Variants in VPS13B observed in about 807,000 individuals in gnomAD.
VPS13B encodes intermembrane lipid transfer protein VPS13B.
In VPS13B, 285 loss-of-function variants were observed where a neutral mutation model predicts 426.4. The observed-to-expected ratio is 0.67, with a 90% confidence interval of 0.61 to 0.74. VPS13B has a LOEUF of 0.74. VPS13B is among the 30% of genes least tolerant of loss of function. VPS13B has a pLI of 0.00. For synonymous variants in VPS13B, 1,676 were observed against 1,676.4 expected (o/e 1.00, Z 0.01); for missense variants, 4,537 against 4,782.6 (o/e 0.95, Z 1.51).
chr8:99,405,711 A>T (rs1815285617), intron 21 of VPS13B, among the ~76,000 whole-genome samples: 1 of 151,618 alleles, frequency 6.6e-6, no homozygotes, highest in African/African-American at 2.4e-5. Context: ...AGGTTCTCCC[A>T]TGGCATCTTT....
intron 45 of VPS13B, 121 bp from the exon 46 acceptor site, chr8:99,818,330 T>A (rs1370318550): frequency 9.4e-7 from 1 of 1,064,854 alleles, no homozygotes; most frequent in South Asian, 1.4e-5. Context: ...TTTTTAATAA[T>A]GGCTTTTTCC....
intron 16 of VPS13B, among the ~76,000 whole-genome samples, chr8:99,180,873 A>G (rs1812910602): frequency 6.6e-6 from 1 of 152,202 alleles, no homozygotes; most frequent in Non-Finnish European, 1.5e-5. Flanking sequence ...AAAGATTTAA[A>G]CAATGTAGAA....
At chr8:99,672,378 A>G (rs78405842) in intron 35 of VPS13B, among the ~76,000 whole-genome samples, 8 of 152,076 alleles carry the variant, frequency 5.3e-5, no homozygotes, top group Admixed American at 1.3e-4. Context: ...TTTTTTAGCT[A>G]TTATGAAATG....
chr8:99,371,634 A>G (rs781649201), intron 19 of VPS13B, among the ~76,000 whole-genome samples: 9 of 152,210 alleles, frequency 5.9e-5, no homozygotes, highest in Non-Finnish European at 1.2e-4. Flanking sequence ...CGTAATGGGA[A>G]TAGCACTGAG....
At position 99,575,655 on chromosome 8, in the gene VPS13B, T is replaced by C; in HGVS notation, c.4950-3T>C. 1 of 1,613,874 alleles carries C rather than the reference T, an allele frequency of 6.2e-7. No homozygotes were observed. The highest frequency in any genetic ancestry group is 2.2e-5 in the East Asian group (1 of 44,832). ...GCTAATAATCTTTTACTCTATCTTT[T>C]AGCATACGGCGGCATCAAGAAAGGA... On this transcript the variant is annotated splice_polypyrimidine_tract_variant and splice_region_variant and intron_variant, in intron 31 of 61. Transcript: ENST00000357162.
At chr8:99,179,803 C>T (rs888603722) in intron 16 of VPS13B, among the ~76,000 whole-genome samples, 2 of 152,066 alleles carry the variant, frequency 1.3e-5, no homozygotes, top group Non-Finnish European at 2.9e-5. Context: ...TATTGGCATG[C>T]GTCTGGCTGT....
intron 17 of VPS13B, among the ~76,000 whole-genome samples, chr8:99,273,660 C>T (rs1467406382): frequency 2.6e-5 from 4 of 151,976 alleles, no homozygotes; most frequent in South Asian, 2.1e-4. Flanking sequence ...GGAATGCGCC[C>T]GTAATCCCAA....
At chr8:99,227,011 T>C (rs1816057958) in intron 17 of VPS13B, among the ~76,000 whole-genome samples, 1 of 152,292 alleles carries the variant, frequency 6.6e-6, no homozygotes. Context: ...TTTGTACTCA[T>C]TGACCCATTT....
At chr8:99,496,959 G>A (rs1158322890) in intron 25 of VPS13B, among the ~76,000 whole-genome samples, 2 of 150,888 alleles carry the variant, frequency 1.3e-5, no homozygotes, top group African/African-American at 4.9e-5. Flanking sequence ...TATATAAAAT[G>A]TTTTTGGTAA....
At chr8:99,617,382 G>A (rs1828140733) in intron 33 of VPS13B, among the ~76,000 whole-genome samples, 1 of 152,104 alleles carries the variant, frequency 6.6e-6, no homozygotes, top group Non-Finnish European at 1.5e-5. Flanking sequence ...AGGCTACAGT[G>A]CAGTGGTTCC....
chr8:99,254,406 C>T (rs1408174060), intron 17 of VPS13B, among the ~76,000 whole-genome samples: 1 of 151,644 alleles, frequency 6.6e-6, no homozygotes, highest in Non-Finnish European at 1.5e-5. Context: ...TATCTACTGT[C>T]ATTTCATTTT....
chr8:99,717,487 G>A, intron 37 of VPS13B, 114 bp downstream of exon 37: 1 of 965,970 alleles, frequency 1.0e-6, no homozygotes, highest in Admixed American at 2.1e-5. Context: ...GTATTTGTCA[G>A]ATTGCTACTT....
chr8:99,834,585 C>G (rs534241217), intron 52 of VPS13B, among the ~76,000 whole-genome samples: 2 of 151,802 alleles, frequency 1.3e-5, no homozygotes, highest in East Asian at 3.9e-4. Context: ...CACCCAGGCT[C>G]GAGTGCAGTG....
chr8:99,660,280 T>C (rs1243200426), intron 34 of VPS13B, among the ~76,000 whole-genome samples: 2 of 152,222 alleles, frequency 1.3e-5, no homozygotes, highest in Non-Finnish European at 2.9e-5. Flanking sequence ...AGGCAGAATT[T>C]ATATGCCCAC....
In VPS13B at chr8:99,710,377, A is replaced by C. The variant is rs139904782; in HGVS notation, c.6455-6794A>C. On this transcript the variant is annotated intron_variant, in intron 36 of 61. Transcript: ENST00000357162. ...ATGTCTTAACTCACTTTCTGTTGCC[A>C]TTTATACCAGGTTGTTGGATGTGTA... is the stretch of plus-strand genomic sequence containing the variant. Among the ~76,000 whole-genome samples the C allele has an allele frequency of 6.3e-3, 961 of 152,242 alleles. 7 individuals carry two copies. The highest frequency in any genetic ancestry group is 0.022 in the African/African-American group (903 of 41,538).
chr8:99,742,201 A>G (rs1371530718), intron 39 of VPS13B, among the ~76,000 whole-genome samples: 13 of 152,256 alleles, frequency 8.5e-5, no homozygotes, highest in Non-Finnish European at 1.3e-4. Flanking sequence ...AAACACCTCT[A>G]CGCAAATAAA....
intron 30 of VPS13B, among the ~76,000 whole-genome samples, chr8:99,524,164 G>A (rs534672820): frequency 2.0e-5 from 3 of 152,088 alleles, no homozygotes; most frequent in Admixed American, 6.6e-5. Context: ...TAGTAAGCTT[G>A]AAGACAGACT....
chr8:99,363,469 T>C (rs1258211646), intron 19 of VPS13B, among the ~76,000 whole-genome samples: 1 of 152,200 alleles, frequency 6.6e-6, no homozygotes, highest in Non-Finnish European at 1.5e-5. Flanking sequence ...TTTGATTCCA[T>C]ATTATTTTTA....
chr8:99,711,017 A>G (rs1382549486), intron 36 of VPS13B, among the ~76,000 whole-genome samples: 1 of 151,956 alleles, frequency 6.6e-6, no homozygotes, highest in African/African-American at 2.4e-5. Flanking sequence ...ATAAATAAAT[A>G]CTGGTTCCAA....
Sources: gnomAD v4.1 joint callset for allele counts (sites outside exome capture counted in the v4.1 genomes callset) on GRCh38, gnomAD v4.1.1 for gene constraint, MANE v1.5 for transcripts, NCBI Gene and HGNC (gene_info 2026-07-23, HGNC 2026-07-21) for gene names.